Variants in SOX5 observed in about 807,000 individuals in gnomAD.
The protein encoded by SOX5 is transcription factor SOX-5.
In SOX5, 9 loss-of-function variants were observed where a neutral mutation model predicts 92.0. The ratio of observed to expected loss-of-function variants is 0.10; its 90% CI spans 0.06 to 0.17. SOX5 has a LOEUF of 0.17. SOX5 is among the 10% of genes least tolerant of loss of function. The probability of loss-of-function intolerance (pLI) is 1.00; values close to 1 mark genes in which losing one functional copy is unlikely to be tolerated. For synonymous variants in SOX5, 344 were observed against 336.3 expected (o/e 1.02, Z -0.25); for missense variants, 642 against 944.5 (o/e 0.68, Z 4.20).
chr12:23,615,690 T>C (rs2076474425), intron 8 of SOX5, among the ~76,000 whole-genome samples: 1 of 152,222 alleles, frequency 6.6e-6, no homozygotes, highest in African/African-American at 2.4e-5. Flanking sequence ...TCATTCTTTT[T>C]TTATGGCTGT....
intron 1 of SOX5, among the ~76,000 whole-genome samples, chr12:24,386,210 A>G (rs1958396737): frequency 6.6e-6 from 1 of 152,132 alleles, no homozygotes; most frequent in Non-Finnish European, 1.5e-5. Flanking sequence ...GACAATGTTA[A>G]GTGAGGATTT....
intron 3 of SOX5, among the ~76,000 whole-genome samples, chr12:23,842,893 C>T (rs573110381): frequency 1.1e-4 from 16 of 152,242 alleles, no homozygotes; most frequent in South Asian, 1.0e-3. Context: ...AGAGCTCCTC[C>T]GCTTCAAACA....
intron 3 of SOX5, among the ~76,000 whole-genome samples, chr12:24,255,974 T>C (rs756572823): frequency 7.2e-5 from 11 of 152,122 alleles, no homozygotes; most frequent in Non-Finnish European, 1.5e-4. Context: ...AAACCCCAAG[T>C]TGTTAAGTCA....
chr12:23,830,107 G>C (rs768944264), intron 3 of SOX5, among the ~76,000 whole-genome samples: 7 of 152,152 alleles, frequency 4.6e-5, no homozygotes, highest in Non-Finnish European at 1.0e-4. Flanking sequence ...TTGAAAAGGA[G>C]ATGACAGTGA....
rs2095333556 is a variant in SOX5 at position 23,784,090 on chromosome 12, T to C, written c.482-28366A>G. Among the ~76,000 whole-genome samples the C allele has an allele frequency of 2.0e-5, 3 of 152,178 alleles. No individual in the cohort carries two copies. In the South Asian group the frequency reaches 6.2e-4, roughly 32 times the overall value. ...AAAATAAGCTAACAAATTGAGTATA[T>C]TTAATGCAATATTATGATGACGAGA... On this transcript the variant is annotated intron_variant, in intron 3 of 14. Transcript: ENST00000451604.
intron 3 of SOX5, among the ~76,000 whole-genome samples, chr12:23,821,768 T>C (rs1487730947): frequency 6.6e-6 from 1 of 152,192 alleles, no homozygotes; most frequent in Non-Finnish European, 1.5e-5. Context: ...TCAGGGATAT[T>C]GGCCTGAAAT....
intron 2 of SOX5, among the ~76,000 whole-genome samples, chr12:23,880,064 G>A (rs1390137318): frequency 6.6e-6 from 1 of 152,172 alleles, no homozygotes; most frequent in African/African-American, 2.4e-5. Flanking sequence ...CACCACAGCA[G>A]TACCCTAAGA....
At chr12:24,055,062 A>T (rs1452970869) in intron 4 of SOX5, among the ~76,000 whole-genome samples, 1 of 152,224 alleles carries the variant, frequency 6.6e-6, no homozygotes, top group African/African-American at 2.4e-5. Flanking sequence ...TTTCAAAAAA[A>T]AATGAGGATA....
chr12:24,137,407 C>T (rs1448323199), intron 4 of SOX5, among the ~76,000 whole-genome samples: 6 of 152,172 alleles, frequency 3.9e-5, no homozygotes, highest in African/African-American at 7.2e-5. Flanking sequence ...CCGAGGCGTG[C>T]GGATCACGAG....
intron 4 of SOX5, among the ~76,000 whole-genome samples, chr12:24,021,312 C>T (rs1223546050): frequency 6.6e-6 from 1 of 152,118 alleles, no homozygotes; most frequent in Non-Finnish European, 1.5e-5. Context: ...CCCACCCCTA[C>T]CCCAGCAGTT....
chr12:23,883,104 C>A (rs2097017078), intron 2 of SOX5, among the ~76,000 whole-genome samples: 1 of 151,816 alleles, frequency 6.6e-6, no homozygotes, highest in South Asian at 2.1e-4. Context: ...TGGCGTGAAC[C>A]CGGGAGGTGG....
rs180673698 is a variant in SOX5 at position 23,566,792 on chromosome 12, C to T, written c.1343-3389G>A. On this transcript the variant is annotated intron_variant, in intron 10 of 14. Coordinates refer to ENST00000451604, the MANE Select transcript of SOX5 (RefSeq NM_006940.6). ...ATGGTCAATGAAAGCTATTCAGTAA[C>T]TGTCACTTTATAAAATGGCATAGTA... 2.0e-3 allele frequency among the ~76,000 whole-genome samples: 305 copies of T among 152,284 alleles called. 1 individual carries two copies. Among genetic ancestry groups the T allele is most frequent in the African/African-American group, 6.8e-3 (284 of 41,564 alleles).
At chr12:24,045,141 C>G (rs1956875873) in intron 4 of SOX5, among the ~76,000 whole-genome samples, 1 of 152,114 alleles carries the variant, frequency 6.6e-6, no homozygotes, top group South Asian at 2.1e-4. Flanking sequence ...AGATAGTGGA[C>G]TCTGGACTCC....
chr12:24,297,262 C>G lies in SOX5; in HGVS notation c.-173-19950G>C, dbSNP rs545306250. The stretch of plus-strand genomic sequence containing the variant: ...ATCTAATGTAATGTACATTACAGAG[C>G]ACAGCACTTATGGGTTTAAAATCAC... On this transcript the variant is annotated intron_variant, in intron 2 of 4. Transcript: ENST00000446891. Among the ~76,000 whole-genome samples the G allele has an allele frequency of 2.0e-5, 3 of 152,310 alleles. No homozygotes were observed. The East Asian group carries it at 5.8e-4, about 29-fold the overall frequency.
At chr12:23,546,559 G>T (rs1034544485) in intron 11 of SOX5, 135 bp from the exon 12 acceptor site, 4 of 598,286 alleles carry the variant, frequency 6.7e-6, no homozygotes, top group Admixed American at 6.1e-5. Flanking sequence ...TTTACGTTCA[G>T]CACATTAACC....
At chr12:23,656,333 T>G (rs1167441807) in intron 7 of SOX5, among the ~76,000 whole-genome samples, 1 of 152,182 alleles carries the variant, frequency 6.6e-6, no homozygotes, top group South Asian at 2.1e-4. Context: ...GCATTAGAAT[T>G]TAGATGCAAA....
At chr12:23,739,787 C>G (rs182712321) in intron 5 of SOX5, among the ~76,000 whole-genome samples, 1 of 152,276 alleles carries the variant, frequency 6.6e-6, no homozygotes, top group East Asian at 1.9e-4. Flanking sequence ...GCTCAACTGC[C>G]AAAGCTTTAG....
chr12:24,348,062 A>C (rs1953552251), intron 2 of SOX5, among the ~76,000 whole-genome samples: 1 of 150,334 alleles, frequency 6.7e-6, no homozygotes, highest in Non-Finnish European at 1.5e-5. Flanking sequence ...AAAAAAAAAA[A>C]AAAAAAAACA....
intron 8 of SOX5, among the ~76,000 whole-genome samples, chr12:23,635,661 T>C (rs1169152138): frequency 6.6e-6 from 1 of 152,076 alleles, no homozygotes; most frequent in African/African-American, 2.4e-5. Flanking sequence ...ACCCTAGAAC[T>C]TAAAGTATAA....
Sources: allele counts gnomAD v4.1 joint callset (sites outside exome capture counted in the v4.1 genomes callset), GRCh38; gene constraint gnomAD v4.1.1; transcripts MANE v1.5; gene names NCBI Gene and HGNC (gene_info 2026-07-23, HGNC 2026-07-21).